Variants in PRKCE observed in about 807,000 individuals in gnomAD.
PRKCE encodes the protein protein kinase C epsilon type.
In PRKCE, 16 loss-of-function variants were observed where a neutral mutation model predicts 85.4. The observed-to-expected ratio is 0.19, with a 90% CI of 0.13 to 0.28. The LOEUF (loss-of-function observed/expected upper bound fraction) is 0.28, where lower values mean the gene tolerates loss of function less well. Ranked by LOEUF, PRKCE falls within the 10% of genes least tolerant of loss-of-function variation. The pLI is 1.00. For synonymous variants in PRKCE, 388 were observed against 371.5 expected, an observed-to-expected ratio of 1.04 and a Z score of -0.51; for missense variants, 573 against 975.2, an observed-to-expected ratio of 0.59 and a Z score of 5.49.
In PRKCE at chr2:45,924,932, G is replaced by A. The variant is rs140177820; in HGVS notation, c.413-51497G>A. On this transcript the variant is annotated intron_variant, in intron 2 of 14. Transcript: ENST00000306156. Reference sequence around the variant, plus strand: ...TGAGTTCCTTGGTGCTCATCAGTGAGCAGGGACATGGACAGCTCTGAGTGC... The same window carrying A: ...TGAGTTCCTTGGTGCTCATCAGTGAACAGGGACATGGACAGCTCTGAGTGC... Among the ~76,000 whole-genome samples the A allele has an allele frequency of 2.7e-3, 406 of 152,268 alleles. 2 individuals carry two copies. The highest frequency in any genetic ancestry group is 9.2e-3 in the African/African-American group (382 of 41,552).
chr2:45,813,051 C>T (rs1330183874), intron 1 of PRKCE, among the ~76,000 whole-genome samples: 1 of 152,092 alleles, frequency 6.6e-6, no homozygotes, highest in Admixed American at 6.5e-5. Context: ...GTTTCCTGGC[C>T]CCGCTGGCGG....
intron 11 of PRKCE, among the ~76,000 whole-genome samples, chr2:46,126,948 C>A (rs1033992178): frequency 6.6e-6 from 1 of 152,204 alleles, no homozygotes; most frequent in Non-Finnish European, 1.5e-5. Context: ...CAGACTTGTC[C>A]TAGGTGAGCT....
chr2:45,817,877 G>A (rs530617637), intron 1 of PRKCE, among the ~76,000 whole-genome samples: 31 of 152,268 alleles, frequency 2.0e-4, no homozygotes, highest in Admixed American at 2.6e-4. Context: ...GAGGAGCCAC[G>A]TGGGCATCTC....
At chr2:45,684,967 G>A (rs1010443639) in intron 1 of PRKCE, among the ~76,000 whole-genome samples, 3 of 152,186 alleles carry the variant, frequency 2.0e-5, no homozygotes, top group African/African-American at 7.2e-5. Context: ...AACGACACCC[G>A]CCCTGGCTTT....
intron 2 of PRKCE, among the ~76,000 whole-genome samples, chr2:45,959,857 G>A (rs1262509128): frequency 1.3e-5 from 2 of 152,318 alleles, no homozygotes; most frequent in Non-Finnish European, 1.5e-5. Context: ...TGGCATGTGT[G>A]TTGTGGTGTG....
intron 2 of PRKCE, among the ~76,000 whole-genome samples, chr2:45,972,176 T>A (rs1242171839): frequency 1.3e-5 from 2 of 152,230 alleles, no homozygotes; most frequent in African/African-American, 4.8e-5. Flanking sequence ...AAGTGCCATC[T>A]CATTGTAGCT....
intron 1 of PRKCE, among the ~76,000 whole-genome samples, chr2:45,839,435 G>GA (rs879619708): frequency 6.6e-6 from 1 of 152,234 alleles, no homozygotes; most frequent in African/African-American, 2.4e-5. Context: ...CTGGGAAGAT[G>GA]TGTTAAGTTG....
At chr2:45,890,375 C>G (rs1558799943) in intron 2 of PRKCE, among the ~76,000 whole-genome samples, 1 of 151,926 alleles carries the variant, frequency 6.6e-6, no homozygotes, top group Non-Finnish European at 1.5e-5. Flanking sequence ...TTCTCAGTAT[C>G]TTTTCAAAAC....
chr2:45,662,198 C>T (rs1050716489), intron 1 of PRKCE, among the ~76,000 whole-genome samples: 3 of 152,188 alleles, frequency 2.0e-5, no homozygotes, highest in Non-Finnish European at 4.4e-5. Flanking sequence ...ATTCATTGTT[C>T]TGGCCGTCCT....
intron 1 of PRKCE, among the ~76,000 whole-genome samples, chr2:45,761,050 G>A (rs111486304): frequency 3.3e-5 from 5 of 152,150 alleles, no homozygotes; most frequent in South Asian, 4.2e-4. Flanking sequence ...ATTTAAGGCC[G>A]GGCATGGTGG....
intron 13 of PRKCE, among the ~76,000 whole-genome samples, chr2:46,156,054 A>T (rs1284343047): frequency 2.4e-5 from 2 of 81,788 alleles, no homozygotes; most frequent in Non-Finnish European, 5.3e-5. Context: ...AATGTTTGTT[A>T]CGTGGAAAAA....
intron 1 of PRKCE, among the ~76,000 whole-genome samples, chr2:45,826,461 A>T (rs1350344990): frequency 6.6e-6 from 1 of 152,226 alleles, no homozygotes; most frequent in East Asian, 1.9e-4. Flanking sequence ...GTTAGGTTTT[A>T]TTGCTGAATA....
intron 10 of PRKCE, among the ~76,000 whole-genome samples, chr2:46,067,971 C>G (rs774496789): frequency 9.2e-5 from 14 of 152,122 alleles, no homozygotes; most frequent in Non-Finnish European, 1.5e-4. Context: ...TTTTTTACAT[C>G]ATACTCTCGT....
In PRKCE at chr2:45,786,216, G is replaced by A. The variant is rs548286965; in HGVS notation, c.349-56784G>A. On this transcript the variant is annotated intron_variant, in intron 1 of 14. Coordinates refer to ENST00000306156, the MANE Select transcript of PRKCE (RefSeq NM_005400.3). The surrounding 1 kb of genome is among the most constrained non-coding windows in gnomAD (Gnocchi z 5.3). ...TCCCCCGTGCTGCTTCTTGCTCTCC[G>A]GTTTCCAGGGAGTGCTGGGCTTTCC... is the stretch of plus-strand genomic sequence containing the variant. Among the ~76,000 whole-genome samples the A allele has an allele frequency of 3.3e-5, 5 of 152,270 alleles. No homozygotes were observed. Among genetic ancestry groups the A allele is most frequent in the South Asian group, 4.1e-4 (2 of 4,820 alleles).
At chr2:45,711,848 C>T (rs1386426673) in intron 1 of PRKCE, among the ~76,000 whole-genome samples, 1 of 152,188 alleles carries the variant, frequency 6.6e-6, no homozygotes, top group African/African-American at 2.4e-5. Context: ...TGGTCTTGAT[C>T]TCCTGACCTC....
chr2:45,939,561 C>CT (rs35070039), intron 2 of PRKCE, among the ~76,000 whole-genome samples: 65,937 of 148,680 alleles, frequency 0.44, 14,866 homozygotes, highest in Middle Eastern at 0.58. Context: ...AGTTAATGCA[C>CT]TTTTTTTTTT....
At chr2:46,144,116 T>A (rs927024270) in intron 11 of PRKCE, among the ~76,000 whole-genome samples, 3 of 152,190 alleles carry the variant, frequency 2.0e-5, no homozygotes, top group Admixed American at 6.5e-5. Flanking sequence ...AAGGAATTTT[T>A]ACCCAGAACC....
At chr2:45,857,448 C>A (rs1394886892) in intron 2 of PRKCE, among the ~76,000 whole-genome samples, 1 of 152,188 alleles carries the variant, frequency 6.6e-6, no homozygotes, top group Non-Finnish European at 1.5e-5. Context: ...CTGGAAGGGC[C>A]CAGCTGAGGC....
At chr2:46,130,059 T>G (rs1358173712) in intron 11 of PRKCE, among the ~76,000 whole-genome samples, 1 of 152,142 alleles carries the variant, frequency 6.6e-6, no homozygotes, top group South Asian at 2.1e-4. Context: ...AATAGCGAGT[T>G]TTTTTTAACC....
Sources: gnomAD v4.1 joint callset for allele counts (sites outside exome capture counted in the v4.1 genomes callset) on GRCh38, gnomAD v4.1.1 for gene constraint, Gnocchi (gnomAD v3.1) non-coding constraint, MANE v1.5 for transcripts, NCBI Gene and HGNC (gene_info 2026-07-23, HGNC 2026-07-21) for gene names.